The following CDKAL1 variants were observed in gnomAD, a reference collection of about 807,000 sequenced individuals.
The protein encoded by CDKAL1 is threonylcarbamoyladenosine tRNA methylthiotransferase.
In CDKAL1, 32 loss-of-function variants were observed where a neutral mutation model predicts 68.2. That is an observed-to-expected ratio of 0.47 (90% CI 0.35 to 0.63). The LOEUF (loss-of-function observed/expected upper bound fraction) is 0.63, where lower values mean the gene tolerates loss of function less well. Ranked by LOEUF, CDKAL1 falls within the 30% of genes least tolerant of loss-of-function variation. The probability of loss-of-function intolerance (pLI) is 0.00; values close to 1 mark genes in which losing one functional copy is unlikely to be tolerated. For missense variants in CDKAL1, 606 were observed against 696.7 expected (o/e 0.87, Z 1.47); for synonymous variants, 234 against 244.3 (o/e 0.96, Z 0.39).
intron 9 of CDKAL1, among the ~76,000 whole-genome samples, chr6:20,918,775 G>A (rs1179093847): frequency 6.6e-6 from 1 of 152,202 alleles, no homozygotes; most frequent in Non-Finnish European, 1.5e-5. Context: ...GGGAGGCTAT[G>A]TAAAATGATG....
chr6:20,601,308 A>G (rs1766086881), intron 4 of CDKAL1, among the ~76,000 whole-genome samples: 1 of 152,186 alleles, frequency 6.6e-6, no homozygotes, highest in African/African-American at 2.4e-5. Context: ...CTTGGTGTCC[A>G]TCTAGTACAG....
chr6:21,002,088 G>T (rs1767455361), intron 11 of CDKAL1, among the ~76,000 whole-genome samples: 1 of 152,184 alleles, frequency 6.6e-6, no homozygotes, highest in Non-Finnish European at 1.5e-5. Context: ...AAGTTACGTT[G>T]TTCTGGAGGT....
At position 21,122,803 on chromosome 6, in the gene CDKAL1, G is replaced by T. The variant is rs1053597738; in HGVS notation, c.1299+14340G>T. Among the ~76,000 whole-genome samples the T allele has an allele frequency of 1.3e-3, 134 of 105,806 alleles. 2 individuals are homozygous for T. Among genetic ancestry groups the T allele is most frequent in the African/African-American group, 4.4e-3 (126 of 28,420 alleles). The allele number at this position is 105,806 out of a possible 152,430, so 69.4% of individuals were successfully genotyped here. On this transcript the variant is annotated intron_variant, in intron 13 of 15. Transcript: ENST00000274695. The stretch of plus-strand genomic sequence containing the variant: ...GGCACACACTACCATCCCCAGTTAG[G>T]TTTTTTTTTTTTTTTTTTTTTGGTA...
chr6:20,714,926 GT>G (rs1772020229), intron 5 of CDKAL1, among the ~76,000 whole-genome samples: 1 of 151,954 alleles, frequency 6.6e-6, no homozygotes. Flanking sequence ...TAGCAGCCTT[GT>G]TTTATTTAAA....
intron 5 of CDKAL1, among the ~76,000 whole-genome samples, chr6:20,730,478 G>A (rs1207274108): frequency 2.0e-5 from 3 of 146,788 alleles, no homozygotes; most frequent in African/African-American, 2.5e-5. Flanking sequence ...AAAGAAGGAA[G>A]GAAGGAAAGA....
intron 8 of CDKAL1, among the ~76,000 whole-genome samples, chr6:20,798,844 A>G (rs1434313942): frequency 6.6e-6 from 1 of 150,556 alleles, no homozygotes; most frequent in Non-Finnish European, 1.5e-5. Context: ...GCACACCAAC[A>G]TGGCACATGT....
intron 15 of CDKAL1, among the ~76,000 whole-genome samples, chr6:21,208,978 G>A (rs1241398203): frequency 2.0e-5 from 3 of 152,146 alleles, no homozygotes; most frequent in Non-Finnish European, 4.4e-5. Flanking sequence ...ATCACTAATT[G>A]TGCAATCACT....
At chr6:21,221,391 G>A (rs947067735) in intron 15 of CDKAL1, among the ~76,000 whole-genome samples, 3 of 151,890 alleles carry the variant, frequency 2.0e-5, no homozygotes, top group Non-Finnish European at 2.9e-5. Flanking sequence ...ACAATACCCA[G>A]CTAATTTTGT....
At chr6:20,882,916 CA>C (rs1760894168) in intron 9 of CDKAL1, among the ~76,000 whole-genome samples, 1 of 152,078 alleles carries the variant, frequency 6.6e-6, no homozygotes, top group African/African-American at 2.4e-5. Context: ...GAACAAGGTT[CA>C]AAACTGAAAA....
intron 9 of CDKAL1, among the ~76,000 whole-genome samples, chr6:20,936,049 G>A (rs1763690463): frequency 6.6e-6 from 1 of 151,934 alleles, no homozygotes; most frequent in Non-Finnish European, 1.5e-5. Flanking sequence ...GAAATGTAAT[G>A]CATTTTATCT....
intron 10 of CDKAL1, among the ~76,000 whole-genome samples, chr6:20,989,874 A>G (rs1324465685): frequency 6.6e-6 from 1 of 152,152 alleles, no homozygotes; most frequent in Non-Finnish European, 1.5e-5. Context: ...AGATACATGT[A>G]ACCACCACCA....
chr6:20,775,435 A>G (rs751753895), intron 7 of CDKAL1, among the ~76,000 whole-genome samples: 2 of 152,228 alleles, frequency 1.3e-5, no homozygotes, highest in African/African-American at 2.4e-5. Context: ...TCACAGTGCT[A>G]GGCCTCAGTG....
intron 5 of CDKAL1, among the ~76,000 whole-genome samples, chr6:20,663,571 G>C (rs1324102648): frequency 2.0e-5 from 3 of 152,068 alleles, no homozygotes; most frequent in Non-Finnish European, 4.4e-5. Flanking sequence ...ATACATAGGA[G>C]AAGTTCATGG....
Position 20,701,317 on chromosome 6 carries a change from T to A in CDKAL1, c.372-38202T>A, listed in dbSNP as rs578232031. ...TTGAAAATTTGACAATTTCACATTT[T>A]AAAAAATCTGTGTTTCTAGCTTTCT... On this transcript the variant is annotated intron_variant, in intron 5 of 15. Transcript: ENST00000274695. Among the ~76,000 whole-genome samples the A allele has an allele frequency of 3.6e-4, 55 of 151,782 alleles. 1 individual carries two copies. Among genetic ancestry groups the A allele is most frequent in the Admixed American group, 2.0e-3 (30 of 15,242 alleles).
At chr6:20,955,957 TTGTGTTATC>T (rs1440786065) in intron 10 of CDKAL1, among the ~76,000 whole-genome samples, 6 of 152,184 alleles carry the variant, frequency 3.9e-5, no homozygotes, top group East Asian at 1.9e-4. Flanking sequence ...ACAGTCAATA[TTGTGTTATC>T]CAAACTACTG....
chr6:21,190,595 G>C (rs1441424826), intron 13 of CDKAL1, among the ~76,000 whole-genome samples: 5 of 152,200 alleles, frequency 3.3e-5, no homozygotes, highest in Non-Finnish European at 5.9e-5. Context: ...TTGAACTCCT[G>C]ACCTCAGGTG....
At chr6:20,617,813 A>G (rs1363325398) in intron 4 of CDKAL1, among the ~76,000 whole-genome samples, 1 of 152,100 alleles carries the variant, frequency 6.6e-6, no homozygotes, top group African/African-American at 2.4e-5. Context: ...AATCTGGTCT[A>G]TCATTGAAGG....
intron 11 of CDKAL1, among the ~76,000 whole-genome samples, chr6:21,003,870 A>G (rs1348697482): frequency 6.6e-6 from 1 of 152,186 alleles, no homozygotes; most frequent in Non-Finnish European, 1.5e-5. Context: ...TCCTGACTTA[A>G]AGTGGTATGT....
At chr6:20,871,626 A>G (rs1399988435) in intron 9 of CDKAL1, among the ~76,000 whole-genome samples, 2 of 152,160 alleles carry the variant, frequency 1.3e-5, no homozygotes, top group Non-Finnish European at 2.9e-5. Context: ...AATAATCCAA[A>G]AATGATTAGG....
Sources: gnomAD v4.1 joint callset for allele counts (sites outside exome capture counted in the v4.1 genomes callset) on GRCh38, gnomAD v4.1.1 for gene constraint, MANE v1.5 for transcripts, NCBI Gene and HGNC (gene_info 2026-07-23, HGNC 2026-07-21) for gene names.